GRXCR2: variants seen among roughly 807,000 people sequenced by gnomAD.
The protein encoded by GRXCR2 is glutaredoxin domain-containing cysteine-rich protein 2.
In GRXCR2, 23 loss-of-function variants were observed where a neutral mutation model predicts 24.8. The observed-to-expected ratio is 0.93, with a 90% CI of 0.67 to 1.32. The LOEUF (loss-of-function observed/expected upper bound fraction) is 1.32. Among genes scored for constraint, GRXCR2 ranks in the 40% most tolerant of loss-of-function variants. The pLI is 0.00. For missense variants in GRXCR2, 315 were observed against 303.4 expected, an observed-to-expected ratio of 1.04 and a Z score of -0.28; for synonymous variants, 130 against 116.1, an observed-to-expected ratio of 1.12 and a Z score of -0.77.
intron 1 of GRXCR2, among the ~76,000 whole-genome samples, chr5:145,867,515 G>C (rs910188312): frequency 6.6e-6 from 1 of 152,090 alleles, no homozygotes; most frequent in African/African-American, 2.4e-5. Context: ...ATTATTAATA[G>C]CTTTTGTTCT....
At chr5:145,889,006 TCTA>T (rs961749202) in intron 2 of GRXCR2, among the ~76,000 whole-genome samples, 3 of 151,846 alleles carry the variant, frequency 2.0e-5, no homozygotes, top group African/African-American at 7.3e-5. Flanking sequence ...AAACCCTGTC[TCTA>T]CTAAAAATAT....
In GRXCR2 at chr5:145,872,578, A is replaced by G; in HGVS notation, c.336+55T>C. 2.1e-6 allele frequency: 3 copies of G among 1,445,730 alleles called. No individual in the cohort carries two copies. The South Asian group carries it at 4.4e-5, about 21-fold the overall frequency. The allele number at this position is 1,445,730 out of a possible 1,614,324, so 89.6% of individuals were successfully genotyped here. A position where few individuals can be genotyped will look rare whatever the true frequency, so the allele number is the denominator to read the frequency against. On this transcript the variant is annotated intron_variant, in intron 1 of 2. Coordinates refer to ENST00000377976, the MANE Select transcript of GRXCR2 (RefSeq NM_001080516.2). ...TCTGAACCATTTAGGAGTTTCTCTA[A>G]ACACGTTTTAGGAAGCCCTACCCTT... is the stretch of plus-strand genomic sequence containing the variant.
chr5:145,928,197 A>T (rs1390258137), intron 2 of GRXCR2, among the ~76,000 whole-genome samples: 1 of 152,070 alleles, frequency 6.6e-6, no homozygotes, highest in East Asian at 1.9e-4. Context: ...TCAAAACCAC[A>T]ATGAGATACC....
chr5:145,860,034 C>T lies in GRXCR2; in HGVS notation c.565-119G>A, dbSNP rs968136848. On this transcript the variant is annotated intron_variant, in intron 2 of 2. Coordinates refer to ENST00000377976, the MANE Select transcript of GRXCR2 (RefSeq NM_001080516.2). ...GGGCAGAATAGAGGAAAATGCTTCC[C>T]ACGAATGTCAGTGAGAGAATCATCT... is the stretch of plus-strand genomic sequence containing the variant. 8 of 747,914 alleles carry T rather than the reference C, an allele frequency of 1.1e-5. No individual in the cohort carries two copies. In the African/African-American group the frequency reaches 1.5e-4, roughly 14 times the overall value. The allele number at this position is 747,914 out of a possible 1,614,324, so 46.3% of individuals were successfully genotyped here. A position where few individuals can be genotyped will look rare whatever the true frequency, so the allele number is the denominator to read the frequency against.
intron 2 of GRXCR2, among the ~76,000 whole-genome samples, chr5:145,863,587 TA>T (rs1756376469): frequency 1.3e-5 from 2 of 152,216 alleles, no homozygotes; most frequent in Admixed American, 1.3e-4. Flanking sequence ...ATAATAGAAT[TA>T]AAAAATTTTA....
chr5:145,873,027 T>A (rs1227326002), upstream of GRXCR2: 2 of 1,434,968 alleles, frequency 1.4e-6, no homozygotes, highest in African/African-American at 2.9e-5. Flanking sequence ...AACTTGGGCC[T>A]CTGAGAAAAA....
intron 2 of GRXCR2, among the ~76,000 whole-genome samples, chr5:145,909,731 C>G (rs1339428812): frequency 6.6e-6 from 1 of 152,200 alleles, no homozygotes; most frequent in Admixed American, 6.5e-5. Flanking sequence ...TAACAATTCT[C>G]TCACCACCTG....
Position 145,898,912 on chromosome 5 carries a change from G to A in GRXCR2, c.-69-32184C>T, listed in dbSNP as rs189895814. ...CACAGTACTGGAAGTCCTAGCCAGA[G>A]AAATCAGACGAAAGAAAGAGATAAA... On this transcript the variant is annotated intron_variant, in intron 2 of 3. Transcript: ENST00000639411. 1.5e-3 allele frequency among the ~76,000 whole-genome samples: 223 copies of A among 152,166 alleles called. 2 individuals carry two copies. The highest frequency in any genetic ancestry group is 5.2e-3 in the African/African-American group (217 of 41,524).
intron 2 of GRXCR2, among the ~76,000 whole-genome samples, chr5:145,891,575 G>A (rs1404776695): frequency 2.6e-5 from 4 of 152,176 alleles, no homozygotes; most frequent in South Asian, 2.1e-4. Context: ...AGGCAGCAGC[G>A]AGGCTGGGGG....
chr5:145,910,342 G>C (rs1757148941), intron 2 of GRXCR2, among the ~76,000 whole-genome samples: 1 of 152,092 alleles, frequency 6.6e-6, no homozygotes, highest in South Asian at 2.1e-4. Flanking sequence ...AGACCAGTCT[G>C]ACCTTTGCGA....
chr5:145,916,493 G>A (rs1757240564), intron 2 of GRXCR2, among the ~76,000 whole-genome samples: 2 of 152,114 alleles, frequency 1.3e-5, no homozygotes, highest in Non-Finnish European at 2.9e-5. Context: ...AACCCTGAGG[G>A]GAGTCTATGA....
chr5:145,923,895 A>G (rs976815262), intron 2 of GRXCR2, among the ~76,000 whole-genome samples: 1 of 152,126 alleles, frequency 6.6e-6, no homozygotes. Context: ...ACAAACAACA[A>G]AACAGTGAAT....
chr5:145,912,825 G>A (rs750712122), intron 2 of GRXCR2, among the ~76,000 whole-genome samples: 9 of 152,132 alleles, frequency 5.9e-5, no homozygotes, highest in Non-Finnish European at 1.0e-4. Flanking sequence ...AGGGCAGCTT[G>A]GACAAGCAGA....
At chr5:145,924,784 T>C (rs558340789) in intron 2 of GRXCR2, among the ~76,000 whole-genome samples, 1 of 152,264 alleles carries the variant, frequency 6.6e-6, no homozygotes, top group South Asian at 2.1e-4. Flanking sequence ...ACAATGTTAA[T>C]TGTTATTATT....
chr5:145,899,517 G>T (rs1002681323), intron 2 of GRXCR2, among the ~76,000 whole-genome samples: 1 of 152,078 alleles, frequency 6.6e-6, no homozygotes, highest in African/African-American at 2.4e-5. Context: ...TATACTATAA[G>T]GCTGCAGTAA....
intron 2 of GRXCR2, among the ~76,000 whole-genome samples, chr5:145,878,115 T>C (rs1287276177): frequency 6.6e-6 from 1 of 151,994 alleles, no homozygotes; most frequent in African/African-American, 2.4e-5. Context: ...AGCTGAAAAT[T>C]CTAAAAACCA....
chr5:145,930,414 G>T (rs556118027), intron 2 of GRXCR2, among the ~76,000 whole-genome samples: 135 of 152,264 alleles, frequency 8.9e-4, no homozygotes, highest in African/African-American at 3.1e-3. Context: ...CTCAAGTTCA[G>T]ATCTAGGCAG....
chr5:145,909,901 C>T (rs427630), intron 2 of GRXCR2, among the ~76,000 whole-genome samples: 1 of 152,278 alleles, frequency 6.6e-6, no homozygotes, highest in East Asian at 1.9e-4. Flanking sequence ...CCCCTCGCTT[C>T]CCAATTCCTC....
intron 2 of GRXCR2, among the ~76,000 whole-genome samples, chr5:145,920,257 G>T (rs987899939): frequency 1.3e-5 from 2 of 152,234 alleles, no homozygotes; most frequent in South Asian, 2.1e-4. Context: ...TGTCCTCAAC[G>T]TGTGGTCCTG....
Sources: gnomAD v4.1 joint callset for allele counts (sites outside exome capture counted in the v4.1 genomes callset) on GRCh38, gnomAD v4.1.1 for gene constraint, MANE v1.5 for transcripts, NCBI Gene and HGNC (gene_info 2026-07-23, HGNC 2026-07-21) for gene names.